EIF2AK4: variants seen among roughly 807,000 people sequenced by gnomAD.
The protein encoded by EIF2AK4 is eukaryotic translation initiation factor 2 alpha kinase 4.
A neutral mutation model predicts 211.1 loss-of-function variants in EIF2AK4; 139 were observed. The ratio of observed to expected loss-of-function variants is 0.66; its 90% confidence interval spans 0.57 to 0.76. EIF2AK4 has a LOEUF of 0.76. Among genes scored for constraint, EIF2AK4 ranks in the 30% least tolerant of loss-of-function variants. EIF2AK4 has a pLI of 0.00. For synonymous variants in EIF2AK4, 710 were observed against 751.3 expected (o/e 0.94, Z 0.90); for missense variants, 1,664 against 2,043.8 (o/e 0.81, Z 3.58).
intron 11 of EIF2AK4, chr15:39,974,625 C>T (rs144998347): frequency 1.1e-3 from 170 of 152,324 alleles, no homozygotes; most frequent in African/African-American, 3.9e-3. Context: ...CGTATACTGT[C>T]CCTTTAACAC....
At chr15:40,012,688 T>TG (rs1315370149) in intron 27 of EIF2AK4, among the ~76,000 whole-genome samples, 1 of 152,128 alleles carries the variant, frequency 6.6e-6, no homozygotes, top group Non-Finnish European at 1.5e-5. Flanking sequence ...GAAAGTCTTA[T>TG]AAATATACAT....
chr15:39,983,538 G>A lies in EIF2AK4; in HGVS notation c.2320-2267G>A, dbSNP rs141706722. 4.1e-3 allele frequency among the ~76,000 whole-genome samples: 617 copies of A among 152,144 alleles called. 3 individuals carry two copies. The highest frequency in any genetic ancestry group is 0.014 in the African/African-American group (597 of 41,514). ...GCTCACCACAACCTGCACCTCCTGG[G>A]TTCAAGTGATTCTCCTGCCTCAGCC... On this transcript the variant is annotated intron_variant, in intron 13 of 38. Transcript: ENST00000263791.
At chr15:40,015,542 A>G (rs1383083085) in intron 27 of EIF2AK4, among the ~76,000 whole-genome samples, 1 of 152,194 alleles carries the variant, frequency 6.6e-6, no homozygotes, top group Non-Finnish European at 1.5e-5. Flanking sequence ...GTTACCTCCC[A>G]CTGGATCCCT....
intron 6 of EIF2AK4, among the ~76,000 whole-genome samples, chr15:39,959,688 G>A (rs1036746430): frequency 1.3e-5 from 2 of 152,178 alleles, no homozygotes; most frequent in Admixed American, 1.3e-4. Flanking sequence ...TGCTGAGGAG[G>A]CCAGAGCTGA....
Position 39,949,358 on chromosome 15 carries a change from A to G in EIF2AK4, c.513+90A>G. ...TTTATCTGTCTCTGCCTACAAACTT[A>G]TCTTTAAGTTTTGCTCAGCCTTTGA... On this transcript the variant is annotated intron_variant, in intron 4 of 38. Transcript: ENST00000263791. The G allele has an allele frequency of 9.2e-6, 14 of 1,523,208 alleles. No homozygotes were observed. In the South Asian group the frequency reaches 1.7e-4, roughly 19 times the overall value. The allele number at this position is 1,523,208 out of a possible 1,614,324, so 94.4% of individuals were successfully genotyped here.
At chr15:40,022,206 GTGTGTGTGTATGT>G (rs1567008333) in intron 31 of EIF2AK4, 4 of 232,522 alleles carry the variant, frequency 1.7e-5, no homozygotes, top group African/African-American at 7.3e-5. Flanking sequence ...GTGTGTGTGT[GTGTGTGTGTATGT>G]TGTGTTGTAT....
In EIF2AK4 at chr15:40,011,422, T is replaced by C. The variant is rs963420407; in HGVS notation, c.3759+76T>C. 27 of 1,334,012 alleles carry C rather than the reference T, an allele frequency of 2.0e-5. No individual in the cohort carries two copies. In the Admixed American group the frequency reaches 2.2e-4, roughly 11 times the overall value. The allele number at this position is 1,334,012 out of a possible 1,614,324, so 82.6% of individuals were successfully genotyped here. A position where few individuals can be genotyped will look rare whatever the true frequency, so the allele number is the denominator to read the frequency against. On this transcript the variant is annotated intron_variant, in intron 27 of 38. Coordinates refer to ENST00000263791, the MANE Select transcript of EIF2AK4 (RefSeq NM_001013703.4). The stretch of plus-strand genomic sequence containing the variant: ...ACCAGAAAATGTCATCAAATTCTCG[T>C]TGCAGTAGGGTAGCAGCCAGCGCTT...
At chr15:40,023,833 T>A (rs2140947329) in intron 32 of EIF2AK4, among the ~76,000 whole-genome samples, 1 of 152,326 alleles carries the variant, frequency 6.6e-6, no homozygotes, top group Admixed American at 6.5e-5. Context: ...GGATTTAGTT[T>A]ATTCTTTTTT....
intron 19 of EIF2AK4, 53 bp from the exon 20 acceptor site, chr15:39,998,678 C>T (rs949071498): frequency 2.2e-6 from 3 of 1,389,748 alleles, no homozygotes; most frequent in African/African-American, 2.9e-5. Context: ...TGAATAAATG[C>T]TTTCACTGTG....
chr15:39,990,122 A>G lies in EIF2AK4; in HGVS notation c.2527-151A>G, dbSNP rs151088941. 3.2e-3 allele frequency: 2,174 copies of G among 676,666 alleles called. 32 individuals are homozygous for G. In the African/African-American group the frequency reaches 0.035, roughly 11 times the overall value. The allele number at this position is 676,666 out of a possible 1,614,324, so 41.9% of individuals were successfully genotyped here. A position where few individuals can be genotyped will look rare whatever the true frequency, so the allele number is the denominator to read the frequency against. On this transcript the variant is annotated intron_variant, in intron 15 of 38. Coordinates refer to ENST00000263791, the MANE Select transcript of EIF2AK4 (RefSeq NM_001013703.4). ...AAAGAGGTCATAGGACAGTCAGGAC[A>G]TATTGCAGAGGCCAGACAGCCTGGA... is the stretch of plus-strand genomic sequence containing the variant.
intron 23 of EIF2AK4, among the ~76,000 whole-genome samples, chr15:40,004,834 G>C (rs1339070401): frequency 6.6e-6 from 1 of 152,190 alleles, no homozygotes; most frequent in Non-Finnish European, 1.5e-5. Flanking sequence ...GGAATTACAG[G>C]CATGAGCCGC....
At chr15:39,980,792 G>C (rs1377127822) in intron 13 of EIF2AK4, among the ~76,000 whole-genome samples, 1 of 152,186 alleles carries the variant, frequency 6.6e-6, no homozygotes, top group Non-Finnish European at 1.5e-5. Context: ...GGGCTCAAAT[G>C]ATCCTCCTGC....
At chr15:40,005,358 G>T (rs990998894) in intron 23 of EIF2AK4, among the ~76,000 whole-genome samples, 6 of 151,816 alleles carry the variant, frequency 4.0e-5, no homozygotes, top group African/African-American at 1.5e-4. Flanking sequence ...TATAGAGAAA[G>T]AAAAGTTTTT....
chr15:39,993,637 T>C (rs1169230093), intron 18 of EIF2AK4, among the ~76,000 whole-genome samples: 1 of 152,094 alleles, frequency 6.6e-6, no homozygotes, highest in Non-Finnish European at 1.5e-5. Flanking sequence ...GTGGCCACAG[T>C]GTGGCAAGCA....
chr15:39,983,361 C>G (rs1279552951), intron 13 of EIF2AK4, among the ~76,000 whole-genome samples: 1 of 151,660 alleles, frequency 6.6e-6, no homozygotes, highest in East Asian at 1.9e-4. Flanking sequence ...TGAAAAGTGT[C>G]TGTTCATATC....
At position 40,020,811 on chromosome 15, in the gene EIF2AK4, A is replaced by G. The variant is rs75119859; in HGVS notation, c.4174-88A>G. 3.7e-4 allele frequency: 464 copies of G among 1,270,520 alleles called. 4 individuals are homozygous for G. The East Asian group carries it at 0.011, about 30-fold the overall frequency. The allele number at this position is 1,270,520 out of a possible 1,614,324, so 78.7% of individuals were successfully genotyped here. On this transcript the variant is annotated intron_variant, in intron 30 of 38. Transcript: ENST00000263791. ...GATTTCAAGAATGCCCATCTTCCCA[A>G]GAGTGCTGCCTCCCCTCCTGATGCT...
chr15:39,944,581 A>G (rs908273176), intron 3 of EIF2AK4, among the ~76,000 whole-genome samples: 12 of 151,800 alleles, frequency 7.9e-5, no homozygotes, highest in Non-Finnish European at 1.3e-4. Flanking sequence ...ACAGGCACCC[A>G]CCACCATGCC....
At chr15:40,034,657 C>T (rs1310541221) in intron 38 of EIF2AK4, among the ~76,000 whole-genome samples, 1 of 152,034 alleles carries the variant, frequency 6.6e-6, no homozygotes. Flanking sequence ...AGTAGCTGTC[C>T]CAATTACAAT....
At chr15:39,947,195 A>G (rs2034240812) in intron 3 of EIF2AK4, among the ~76,000 whole-genome samples, 1 of 152,236 alleles carries the variant, frequency 6.6e-6, no homozygotes, top group South Asian at 2.1e-4. Context: ...AGTCTGGAGT[A>G]CTGGAAAGTC....
Sources: allele counts gnomAD v4.1 joint callset (sites outside exome capture counted in the v4.1 genomes callset), GRCh38; gene constraint gnomAD v4.1.1; transcripts MANE v1.5; gene names NCBI Gene and HGNC (gene_info 2026-07-23, HGNC 2026-07-21).